The following NAALADL2 variants were observed in gnomAD, a reference collection of about 807,000 sequenced individuals.
NAALADL2 encodes inactive N-acetylated-alpha-linked acidic dipeptidase-like protein 2.
In NAALADL2, 76 loss-of-function variants were observed where a neutral mutation model predicts 87.2. That is an observed-to-expected ratio of 0.87 (90% confidence interval 0.72 to 1.05). The LOEUF is 1.05. Ranked by LOEUF, NAALADL2 falls within the 50% of genes least tolerant of loss-of-function variation. NAALADL2 has a pLI of 0.00. For synonymous variants in NAALADL2, 354 were observed against 331.0 expected (o/e 1.07, Z -0.75); for missense variants, 1,089 against 945.8 (o/e 1.15, Z -1.99).
At chr3:175,262,553 G>C (rs1172579867) in intron 4 of NAALADL2, among the ~76,000 whole-genome samples, 1 of 146,606 alleles carries the variant, frequency 6.8e-6, no homozygotes, top group African/African-American at 2.5e-5. Flanking sequence ...ATATTTAACA[G>C]ATAAAATATT....
chr3:175,680,885 C>T (rs184038022), intron 11 of NAALADL2, among the ~76,000 whole-genome samples: 2 of 152,194 alleles, frequency 1.3e-5, no homozygotes, highest in East Asian at 1.9e-4. Flanking sequence ...GAGGCTGAGG[C>T]GGGCGGATCA....
chr3:174,820,955 A>T (rs1268378972), intron 3 of NAALADL2, among the ~76,000 whole-genome samples: 1 of 152,216 alleles, frequency 6.6e-6, no homozygotes, highest in African/African-American at 2.4e-5. Flanking sequence ...GTATCCAGAC[A>T]ACTGAACTCA....
At chr3:174,630,020 G>A (rs984011495) in intron 2 of NAALADL2, among the ~76,000 whole-genome samples, 4 of 152,192 alleles carry the variant, frequency 2.6e-5, no homozygotes, top group Middle Eastern at 3.4e-3. Context: ...GCAGGTTTAT[G>A]TATATTATGG....
At chr3:174,781,257 T>C (rs1715948202) in intron 3 of NAALADL2, among the ~76,000 whole-genome samples, 1 of 152,016 alleles carries the variant, frequency 6.6e-6, no homozygotes, top group Non-Finnish European at 1.5e-5. Flanking sequence ...ATTATGTGTC[T>C]TGAGGTTGCT....
intron 2 of NAALADL2, among the ~76,000 whole-genome samples, chr3:174,571,742 G>T (rs1714950454): frequency 6.6e-6 from 1 of 152,124 alleles, no homozygotes; most frequent in East Asian, 1.9e-4. Context: ...GAGAAGCAAA[G>T]ATAAGGTTAT....
At chr3:174,544,567 C>CTTTTTTTTTTTTTTTTTTTTTTTTT (rs10575227) in intron 1 of NAALADL2, among the ~76,000 whole-genome samples, 2 of 115,164 alleles carry the variant, frequency 1.7e-5, no homozygotes, top group Non-Finnish European at 3.5e-5. Flanking sequence ...TTTTTGTTTT[C>CTTTTTTTTTTTTTTTTTTTTTTTTT]TTTTTTTTTT....
intron 1 of NAALADL2, among the ~76,000 whole-genome samples, chr3:174,915,881 TA>T (rs1381307932): frequency 6.6e-6 from 1 of 152,056 alleles, no homozygotes. Context: ...AAATGGGACC[TA>T]ACCAAACTAA....
At chr3:174,985,540 G>A (rs140946496) in intron 1 of NAALADL2, among the ~76,000 whole-genome samples, 105 of 152,248 alleles carry the variant, frequency 6.9e-4, no homozygotes, top group African/African-American at 2.4e-3. Flanking sequence ...TCTAAATTCT[G>A]GATAACATGT....
intron 1 of NAALADL2, among the ~76,000 whole-genome samples, chr3:175,011,450 C>G (rs547836552): frequency 1.3e-5 from 2 of 152,132 alleles, no homozygotes; most frequent in Non-Finnish European, 2.9e-5. Context: ...TCTTTTCTAT[C>G]GTCTACAGAC....
Position 175,074,870 on chromosome 3 carries a change from G to A in NAALADL2, c.44-21920G>A, listed in dbSNP as rs546570443. ...CTATTATGTTAGTTAAGTATTCTTC[G>A]TAATAAGAGAAAAAGGAGGAGTAAG... On this transcript the variant is annotated intron_variant, in intron 1 of 13. Transcript: ENST00000454872. Among the ~76,000 whole-genome samples the A allele has an allele frequency of 3.3e-3, 503 of 151,818 alleles. 5 individuals carry two copies. The highest frequency in any genetic ancestry group is 0.012 in the African/African-American group (480 of 41,400).
intron 1 of NAALADL2, among the ~76,000 whole-genome samples, chr3:174,945,827 C>A (rs973103188): frequency 6.6e-6 from 1 of 152,018 alleles, no homozygotes; most frequent in Non-Finnish European, 1.5e-5. Flanking sequence ...GCGGGCAGAT[C>A]GTGAAGTCAG....
intron 2 of NAALADL2, among the ~76,000 whole-genome samples, chr3:175,139,298 G>GAT (rs1000550954): frequency 1.7e-4 from 26 of 151,514 alleles, no homozygotes; most frequent in South Asian, 8.3e-4. Flanking sequence ...TGTGGCATTG[G>GAT]ATATATATAT....
At chr3:174,689,837 T>A (rs1194942748) in intron 2 of NAALADL2, among the ~76,000 whole-genome samples, 1 of 152,198 alleles carries the variant, frequency 6.6e-6, no homozygotes, top group African/African-American at 2.4e-5. Context: ...TGGGAAAGAA[T>A]GTTCTAAAGT....
At chr3:175,615,359 G>GA (rs572405674) in intron 10 of NAALADL2, among the ~76,000 whole-genome samples, 1 of 151,788 alleles carries the variant, frequency 6.6e-6, no homozygotes, top group Admixed American at 6.6e-5. Context: ...ATACCTTTCT[G>GA]AAAAAAATTG....
intron 2 of NAALADL2, among the ~76,000 whole-genome samples, chr3:174,666,158 G>A (rs997773258): frequency 5.3e-5 from 8 of 152,006 alleles, no homozygotes; most frequent in African/African-American, 1.7e-4. Flanking sequence ...CTTGTATCTG[G>A]ATATACTTAC....
chr3:175,672,536 AC>A, intron 11 of NAALADL2, among the ~76,000 whole-genome samples: 1 of 152,278 alleles, frequency 6.6e-6, no homozygotes, highest in African/African-American at 2.4e-5. Flanking sequence ...TTAGAAAAAG[AC>A]AGGGAAAGTA....
chr3:174,835,469 C>G (rs924899202), intron 3 of NAALADL2, among the ~76,000 whole-genome samples: 2 of 151,856 alleles, frequency 1.3e-5, no homozygotes, highest in Non-Finnish European at 2.9e-5. Flanking sequence ...CATATGACAC[C>G]AAGAATACAA....
intron 11 of NAALADL2, among the ~76,000 whole-genome samples, chr3:175,636,866 A>C (rs1728636005): frequency 6.6e-6 from 1 of 152,176 alleles, no homozygotes; most frequent in South Asian, 2.1e-4. Context: ...AAAATATATG[A>C]CATTTTAAGA....
intron 5 of NAALADL2, among the ~76,000 whole-genome samples, chr3:175,444,529 G>C (rs533882262): frequency 6.6e-6 from 1 of 152,238 alleles, no homozygotes; most frequent in South Asian, 2.1e-4. Context: ...AAATTATGCA[G>C]GGCCTGGTAC....
Sources: gnomAD v4.1 joint callset for allele counts (sites outside exome capture counted in the v4.1 genomes callset) on GRCh38, gnomAD v4.1.1 for gene constraint, MANE v1.5 for transcripts, NCBI Gene and HGNC (gene_info 2026-07-23, HGNC 2026-07-21) for gene names.